The following DPYD variants were observed in gnomAD, a reference collection of about 807,000 sequenced individuals.
DPYD encodes dihydropyrimidine dehydrogenase.
Under a neutral mutation model 116.2 loss-of-function variants are expected in DPYD, and 109 were observed. The ratio of observed to expected loss-of-function variants is 0.94; its 90% CI spans 0.80 to 1.10. The LOEUF (loss-of-function observed/expected upper bound fraction) is 1.10. Among genes scored for constraint, DPYD ranks in the 50% least tolerant of loss-of-function variants. The pLI is 0.00. For missense variants in DPYD, 1,302 were observed against 1,254.5 expected (o/e 1.04, Z -0.57); for synonymous variants, 440 against 432.0 (o/e 1.02, Z -0.23).
intron 19 of DPYD, among the ~76,000 whole-genome samples, chr1:97,222,199 A>C (rs1660823270): frequency 6.6e-6 from 1 of 152,134 alleles, no homozygotes; most frequent in Non-Finnish European, 1.5e-5. Context: ...TTAATTAGTC[A>C]CATCTCTGCA....
intron 16 of DPYD, among the ~76,000 whole-genome samples, chr1:97,356,056 C>T (rs1670412253): frequency 6.6e-6 from 1 of 152,104 alleles, no homozygotes; most frequent in Non-Finnish European, 1.5e-5. Flanking sequence ...AACAGCGTGC[C>T]AGGGCTCCCT....
Position 97,306,272 on chromosome 1 carries a change from C to T in DPYD, c.2084G>A (p.Cys695Tyr). Residue 695 changes from cysteine (C) to tyrosine (Y), a missense_variant, in exon 17 of 23, where the codon TGC becomes TAC. By Grantham distance (194) the Cys-to-Tyr change is radical (BLOSUM62 -2). Transcript: ENST00000370192. Reference sequence around the variant, plus strand: ...CTGAACAGCTTGCCTAACCCAGCGGCAGATGTTCCGCACCAGCTCTGGATC... The same window carrying T: ...CTGAACAGCTTGCCTAACCCAGCGGTAGATGTTCCGCACCAGCTCTGGATC... ...GQDPELVRNI[C>Y]RWVRQAVQIP... 2 of 1,612,416 alleles carry T rather than the reference C, an allele frequency of 1.2e-6. No individual in the cohort carries two copies. Among genetic ancestry groups the T allele is most frequent in the Non-Finnish European group, 1.7e-6 (2 of 1,178,836 alleles).
intron 14 of DPYD, among the ~76,000 whole-genome samples, chr1:97,435,835 C>G (rs1167713360): frequency 6.6e-6 from 1 of 151,610 alleles, no homozygotes; most frequent in Non-Finnish European, 1.5e-5. Flanking sequence ...AAACTAGCTA[C>G]TGGCAAAAAA....
At chr1:97,143,164 C>A (rs1469253545) in intron 20 of DPYD, among the ~76,000 whole-genome samples, 1 of 151,698 alleles carries the variant, frequency 6.6e-6, no homozygotes, top group Non-Finnish European at 1.5e-5. Context: ...TTTCTAAGGG[C>A]CATAATATAC....
chr1:97,469,397 C>CAAAAAAAAAAAAAA, intron 13 of DPYD, among the ~76,000 whole-genome samples: 61 of 80,800 alleles, frequency 7.5e-4, no homozygotes, highest in African/African-American at 1.4e-3. Flanking sequence ...GCTAAAATTG[C>CAAAAAAAAAAAAAA]AAAAAAAAAA....
intron 16 of DPYD, among the ~76,000 whole-genome samples, chr1:97,368,430 T>G (rs1011605554): frequency 6.6e-6 from 1 of 152,178 alleles, no homozygotes; most frequent in Non-Finnish European, 1.5e-5. Flanking sequence ...TAAGCAGCTT[T>G]AGGTTTTCTG....
chr1:97,493,973 G>T (rs1264557966), intron 13 of DPYD, among the ~76,000 whole-genome samples: 1 of 152,172 alleles, frequency 6.6e-6, no homozygotes, highest in Non-Finnish European at 1.5e-5. Context: ...TGTAGGGACA[G>T]ACAGAAGAGA....
intron 13 of DPYD, among the ~76,000 whole-genome samples, chr1:97,498,948 T>C (rs904340954): frequency 8.6e-5 from 13 of 151,580 alleles, no homozygotes; most frequent in African/African-American, 3.1e-4. Context: ...TTATAAAGAG[T>C]TCTTCTCTAA....
At position 97,291,515 on chromosome 1, in the gene DPYD, T is replaced by C. The variant is rs534801915; in HGVS notation, c.2299+13744A>G. Among the ~76,000 whole-genome samples, 90 of 152,230 alleles carry C rather than the reference T, an allele frequency of 5.9e-4. 1 individual carries two copies. In the South Asian group the frequency reaches 6.8e-3, roughly 12 times the overall value. ...TGGAATACTATGCAGCCATAAAAAA[T>C]GATGAGTTCATGTCCTTTGTAAGGA... is the stretch of plus-strand genomic sequence containing the variant. On this transcript the variant is annotated intron_variant, in intron 18 of 22. Coordinates refer to ENST00000370192, the MANE Select transcript of DPYD (RefSeq NM_000110.4).
chr1:97,447,444 T>TGGGTTCAAA (rs900019556), intron 14 of DPYD, among the ~76,000 whole-genome samples: 51 of 152,320 alleles, frequency 3.3e-4, no homozygotes, highest in African/African-American at 1.2e-3. Context: ...ATTATTTCTA[T>TGGGTTCAAA]GGGTTCAAAT....
intron 20 of DPYD, among the ~76,000 whole-genome samples, chr1:97,116,773 A>T (rs915849369): frequency 6.6e-6 from 1 of 152,148 alleles, no homozygotes. Flanking sequence ...CACAGGATTA[A>T]TTTTTGTACA....
rs1649905355 is a variant in DPYD at position 97,535,191 on chromosome 1, T to C, written c.1524+14369A>G. Among the ~76,000 whole-genome samples, 3 of 152,302 alleles carry C rather than the reference T, an allele frequency of 2.0e-5. No homozygotes were observed. The South Asian group carries it at 6.2e-4, about 32-fold the overall frequency. Reference sequence around the variant, plus strand: ...CTGGATATTTTTTGATCTGATCCTTTACAGCTTGTTTGAGATTCAACTTTA... The same window carrying C: ...CTGGATATTTTTTGATCTGATCCTTCACAGCTTGTTTGAGATTCAACTTTA... On this transcript the variant is annotated intron_variant, in intron 12 of 22. Transcript: ENST00000370192.
chr1:97,327,458 T>A (rs759365847), intron 16 of DPYD, among the ~76,000 whole-genome samples: 2 of 151,978 alleles, frequency 1.3e-5, no homozygotes, highest in Non-Finnish European at 2.9e-5. Context: ...AGTTCTTAAT[T>A]ATTGTGGAAG....
At chr1:97,191,388 T>C (rs1658351469) in intron 20 of DPYD, among the ~76,000 whole-genome samples, 1 of 152,138 alleles carries the variant, frequency 6.6e-6, no homozygotes, top group East Asian at 1.9e-4. Context: ...ACCATCTGCT[T>C]ATTCCTCAAG....
At chr1:97,671,583 A>G (rs1214637897) in intron 8 of DPYD, among the ~76,000 whole-genome samples, 1 of 152,136 alleles carries the variant, frequency 6.6e-6, no homozygotes, top group Non-Finnish European at 1.5e-5. Context: ...TAATCTCAAA[A>G]TTTCTCAACA....
intron 14 of DPYD, among the ~76,000 whole-genome samples, chr1:97,395,077 A>G (rs1469793503): frequency 6.6e-6 from 1 of 151,374 alleles, no homozygotes; most frequent in African/African-American, 2.4e-5. Context: ...CCTGTGCCCT[A>G]TTGCTCCTCT....
chr1:97,225,047 A>ATCTG (rs1270674244), intron 19 of DPYD, among the ~76,000 whole-genome samples: 5 of 142,112 alleles, frequency 3.5e-5, no homozygotes, highest in African/African-American at 1.3e-4. Context: ...CTATCTATCT[A>ATCTG]TCTATCTATC....
intron 16 of DPYD, among the ~76,000 whole-genome samples, chr1:97,340,556 C>T (rs115262804): frequency 6.6e-6 from 1 of 152,024 alleles, no homozygotes; most frequent in African/African-American, 2.4e-5. Flanking sequence ...TGCCTGTGGT[C>T]CCAGCTACTT....
At chr1:97,766,834 T>A (rs1665883237) in intron 3 of DPYD, among the ~76,000 whole-genome samples, 2 of 152,190 alleles carry the variant, frequency 1.3e-5, no homozygotes, top group Admixed American at 1.3e-4. Flanking sequence ...CTAAATTGTC[T>A]GCAACTTTCT....
Sources: gnomAD v4.1 joint callset for allele counts (sites outside exome capture counted in the v4.1 genomes callset) on GRCh38, gnomAD v4.1.1 for gene constraint, MANE v1.5 for transcripts, NCBI Gene and HGNC (gene_info 2026-07-23, HGNC 2026-07-21) for gene names.